Variants in GABRG3 observed in about 807,000 individuals in gnomAD.
The protein encoded by GABRG3 is gamma-aminobutyric acid receptor subunit gamma-3.
A neutral mutation model predicts 48.8 loss-of-function variants in GABRG3; 25 were observed. The ratio of observed to expected loss-of-function variants is 0.51; its 90% CI spans 0.37 to 0.72. The LOEUF (loss-of-function observed/expected upper bound fraction) is 0.72. GABRG3 is among the 30% of genes least tolerant of loss of function. GABRG3 has a pLI of 0.00. For missense variants in GABRG3, 394 were observed against 577.9 expected (o/e 0.68, Z 3.26); for synonymous variants, 227 against 217.6 (o/e 1.04, Z -0.38).
At chr15:27,076,427 G>A (rs1486772500) in intron 3 of GABRG3, among the ~76,000 whole-genome samples, 1 of 149,616 alleles carries the variant, frequency 6.7e-6, no homozygotes, top group African/African-American at 2.5e-5. Context: ...GGGTTCAAGC[G>A]ATTCTCCTGC....
chr15:27,154,877 C>T (rs765703956), intron 3 of GABRG3, among the ~76,000 whole-genome samples: 15 of 151,910 alleles, frequency 9.9e-5, no homozygotes, highest in Non-Finnish European at 2.1e-4. Flanking sequence ...CCTTCCTTAT[C>T]TATTTTCTGG....
chr15:27,301,628 G>A (rs975454174), intron 3 of GABRG3, among the ~76,000 whole-genome samples: 3 of 151,988 alleles, frequency 2.0e-5, no homozygotes, highest in African/African-American at 7.2e-5. Flanking sequence ...GAGTGTGTGT[G>A]TGTATATATT....
At chr15:27,307,846 C>CATGTTTATATATAAATATATATAAAAT (rs1566772184) in intron 3 of GABRG3, among the ~76,000 whole-genome samples, 1 of 122,848 alleles carries the variant, frequency 8.1e-6, no homozygotes, top group Admixed American at 8.4e-5. Context: ...ATAAAATAAA[C>CATGTTTATATATAAATATATATAAAAT]ATGTTTATAT....
At chr15:27,367,843 A>G (rs191016837) in intron 5 of GABRG3, among the ~76,000 whole-genome samples, 1 of 152,254 alleles carries the variant, frequency 6.6e-6, no homozygotes, top group East Asian at 1.9e-4. Context: ...CCAAGCAAAA[A>G]AGTCTAGATG....
At chr15:27,491,292 C>G (rs1890348182) in intron 6 of GABRG3, among the ~76,000 whole-genome samples, 1 of 152,220 alleles carries the variant, frequency 6.6e-6, no homozygotes. Flanking sequence ...AGTCAACCTA[C>G]TTACTCTTCC....
At position 27,221,555 on chromosome 15, in the gene GABRG3, CAGAG is replaced by C. The variant is rs779625804; in HGVS notation, c.271-105250_271-105247del. Among the ~76,000 whole-genome samples, 55 of 152,198 alleles carry C rather than the reference CAGAG, an allele frequency of 3.6e-4. 1 individual carries two copies. Among genetic ancestry groups the C allele is most frequent in the South Asian group, 1.2e-3 (6 of 4,808 alleles). On this transcript the variant is annotated intron_variant, in intron 3 of 9. Coordinates refer to ENST00000615808, the MANE Select transcript of GABRG3 (RefSeq NM_033223.5). The stretch of plus-strand genomic sequence containing the variant: ...TGATGCCATTCTCAAGGTGGTCTCT[CAGAG>C]AGACCCGGAGAGTCCCTTGGGGTAC...
chr15:27,327,764 C>T (rs2140519348), intron 4 of GABRG3, among the ~76,000 whole-genome samples: 1 of 152,264 alleles, frequency 6.6e-6, no homozygotes, highest in Middle Eastern at 3.4e-3. Context: ...TGCATCTAGG[C>T]TTTGCTGTCA....
rs1178947642 is a variant in GABRG3, at chr15:27,054,865, A to G, written c.270+28044A>G. Among the ~76,000 whole-genome samples, 5 of 151,994 alleles carry G rather than the reference A, an allele frequency of 3.3e-5. No homozygotes were observed. The South Asian group carries it at 1.0e-3, about 32-fold the overall frequency. On this transcript the variant is annotated intron_variant, in intron 3 of 9. Coordinates refer to ENST00000615808, the MANE Select transcript of GABRG3 (RefSeq NM_033223.5). ...CTGTCTTTATTAAGATCGACTACAAAAGTCTAAGTTACTGTCCTCGTTTTG... is the reference window on the plus strand; with the variant it reads ...CTGTCTTTATTAAGATCGACTACAAGAGTCTAAGTTACTGTCCTCGTTTTG...
At chr15:27,465,015 A>G (rs1889562432) in intron 5 of GABRG3, among the ~76,000 whole-genome samples, 1 of 152,176 alleles carries the variant, frequency 6.6e-6, no homozygotes, top group Non-Finnish European at 1.5e-5. Flanking sequence ...GAATAGCTTA[A>G]TTTTCACAAC....
At chr15:27,222,994 A>G (rs565029805) in intron 3 of GABRG3, among the ~76,000 whole-genome samples, 12 of 152,204 alleles carry the variant, frequency 7.9e-5, no homozygotes, top group Non-Finnish European at 1.6e-4. Flanking sequence ...TCCTTTGTTC[A>G]CAAGTTTTGT....
chr15:27,146,575 C>T (rs1188924688), intron 3 of GABRG3, among the ~76,000 whole-genome samples: 1 of 151,960 alleles, frequency 6.6e-6, no homozygotes, highest in African/African-American at 2.4e-5. Context: ...AAAGCAGCTG[C>T]ATAAAGCAAC....
chr15:27,532,528 A>G (rs1595816043), intron 9 of GABRG3, 72 bp from the exon 10 acceptor site: 1 of 1,442,290 alleles, frequency 6.9e-7, no homozygotes, highest in African/African-American at 1.4e-5. Flanking sequence ...ATATGGACCT[A>G]CTGCTTCATA....
intron 6 of GABRG3, among the ~76,000 whole-genome samples, chr15:27,490,372 G>A (rs571313739): frequency 6.6e-6 from 1 of 152,322 alleles, no homozygotes; most frequent in East Asian, 1.9e-4. Context: ...TGGCTGCCTA[G>A]GTGGGGAATT....
At chr15:27,092,600 G>A (rs1036658544) in intron 3 of GABRG3, among the ~76,000 whole-genome samples, 1 of 152,190 alleles carries the variant, frequency 6.6e-6, no homozygotes, top group Middle Eastern at 3.2e-3. Context: ...GTGAGCTGCC[G>A]TGCAGCGGAC....
chr15:27,337,969 C>T (rs1334666707), intron 5 of GABRG3, among the ~76,000 whole-genome samples: 3 of 152,158 alleles, frequency 2.0e-5, no homozygotes, highest in East Asian at 1.9e-4. Context: ...TCAAGTGCAA[C>T]GCCGTCTCTG....
intron 2 of GABRG3, among the ~76,000 whole-genome samples, chr15:26,993,349 A>C (rs1246315800): frequency 6.6e-6 from 1 of 151,974 alleles, no homozygotes; most frequent in East Asian, 1.9e-4. Context: ...TACAGCTATA[A>C]ATTTCCCTCT....
chr15:27,467,344 G>T (rs146322939), intron 5 of GABRG3, among the ~76,000 whole-genome samples: 11 of 151,574 alleles, frequency 7.3e-5, no homozygotes, highest in East Asian at 3.9e-4. Flanking sequence ...ATGAATTTGT[G>T]GGGGGGACAC....
intron 3 of GABRG3, among the ~76,000 whole-genome samples, chr15:27,267,839 A>G (rs1890968596): frequency 6.6e-6 from 1 of 152,166 alleles, no homozygotes; most frequent in South Asian, 2.1e-4. Flanking sequence ...ATTGCAGTGA[A>G]TTACATTAAT....
chr15:27,058,969 A>G (rs563907588), intron 3 of GABRG3, among the ~76,000 whole-genome samples: 1 of 152,230 alleles, frequency 6.6e-6, no homozygotes, highest in Non-Finnish European at 1.5e-5. Flanking sequence ...TGTGGCCACT[A>G]TTAAAACAAT....
Sources: gnomAD v4.1 joint callset for allele counts (sites outside exome capture counted in the v4.1 genomes callset) on GRCh38, gnomAD v4.1.1 for gene constraint, MANE v1.5 for transcripts, NCBI Gene and HGNC (gene_info 2026-07-23, HGNC 2026-07-21) for gene names.